The following WWOX variants were observed in gnomAD, a reference collection of about 807,000 sequenced individuals.
WWOX encodes the protein WW domain containing oxidoreductase, also known as WW domain-containing oxidoreductase.
A neutral mutation model predicts 46.2 loss-of-function variants in WWOX; 69 were observed. That is an observed-to-expected ratio of 1.49 (90% CI 1.23 to 1.82). The LOEUF (loss-of-function observed/expected upper bound fraction) is 1.82, where lower values mean the gene tolerates loss of function less well. WWOX is among the 40% of genes most tolerant of loss of function. WWOX has a pLI of 0.00. For missense variants in WWOX, 919 were observed against 542.6 expected (o/e 1.69, Z -6.89); for synonymous variants, 359 against 202.6 (o/e 1.77, Z -6.56).
intron 8 of WWOX, chr16:78,899,244 T>C (rs1052284655): frequency 6.6e-6 from 1 of 152,202 alleles, no homozygotes; most frequent in Admixed American, 6.5e-5. Context: ...TGAATTTATT[T>C]CTAGTTTGCT....
chr16:79,146,885 T>C (rs920352873), intron 8 of WWOX, among the ~76,000 whole-genome samples: 4 of 152,344 alleles, frequency 2.6e-5, no homozygotes, highest in African/African-American at 9.6e-5. Context: ...TACTTCTACA[T>C]GTGTCCCTTC....
At chr16:78,953,516 A>G (rs1408384156) in intron 8 of WWOX, among the ~76,000 whole-genome samples, 1 of 152,154 alleles carries the variant, frequency 6.6e-6, no homozygotes, top group Non-Finnish European at 1.5e-5. Flanking sequence ...ATGTCTTCCT[A>G]ACCCCCAGTT....
At chr16:78,517,518 G>A (rs933545730) in intron 8 of WWOX, among the ~76,000 whole-genome samples, 12 of 152,146 alleles carry the variant, frequency 7.9e-5, no homozygotes, top group Admixed American at 1.3e-4. Flanking sequence ...AATGTCTACT[G>A]AATTATGTGG....
intron 8 of WWOX, among the ~76,000 whole-genome samples, chr16:79,207,352 C>T (rs1017955306): frequency 6.6e-6 from 1 of 152,230 alleles, no homozygotes; most frequent in Non-Finnish European, 1.5e-5. Flanking sequence ...TTAGCCAAAC[C>T]TGCTCACTTC....
chr16:78,586,492 G>A (rs977435292), intron 8 of WWOX, among the ~76,000 whole-genome samples: 6 of 152,106 alleles, frequency 3.9e-5, no homozygotes, highest in South Asian at 2.1e-4. Flanking sequence ...GCCAGTTGCT[G>A]TATTAGATGC....
intron 5 of WWOX, among the ~76,000 whole-genome samples, chr16:78,300,127 A>T (rs2080014238): frequency 6.6e-6 from 1 of 152,228 alleles, no homozygotes; most frequent in South Asian, 2.1e-4. Flanking sequence ...CAACAGAATC[A>T]TGAAGTCTGT....
intron 8 of WWOX, among the ~76,000 whole-genome samples, chr16:78,859,202 A>T (rs1057478400): frequency 6.6e-6 from 1 of 151,566 alleles, no homozygotes; most frequent in Non-Finnish European, 1.5e-5. Flanking sequence ...GAAGGGGCCT[A>T]AAATGAGTTC....
At chr16:78,216,040 C>T (rs2036710709) in intron 5 of WWOX, among the ~76,000 whole-genome samples, 2 of 152,132 alleles carry the variant, frequency 1.3e-5, no homozygotes, top group South Asian at 4.2e-4. Flanking sequence ...ATAAGGGGCA[C>T]AACAGAGACA....
chr16:79,143,034 G>A (rs1006642705), intron 8 of WWOX, among the ~76,000 whole-genome samples: 16 of 151,832 alleles, frequency 1.1e-4, no homozygotes, highest in Admixed American at 8.5e-4. Flanking sequence ...GCATTTTGGA[G>A]ATGACAGAAA....
chr16:78,699,040 A>C (rs79256176), intron 8 of WWOX, among the ~76,000 whole-genome samples: 1 of 152,188 alleles, frequency 6.6e-6, no homozygotes, highest in Non-Finnish European at 1.5e-5. Context: ...TAGTGTTTCT[A>C]GCTTTGCAGT....
At chr16:78,694,401 C>A (rs967345025) in intron 8 of WWOX, among the ~76,000 whole-genome samples, 4 of 152,152 alleles carry the variant, frequency 2.6e-5, no homozygotes, top group African/African-American at 9.7e-5. Flanking sequence ...TCCTCCCTTT[C>A]CTGAAACAAT....
At chr16:78,609,494 C>A (rs746281205) in intron 8 of WWOX, among the ~76,000 whole-genome samples, 1 of 151,416 alleles carries the variant, frequency 6.6e-6, no homozygotes, top group Admixed American at 6.6e-5. Context: ...AAAATGTTTT[C>A]TGGTCAAGTC....
intron 8 of WWOX, among the ~76,000 whole-genome samples, chr16:79,168,056 G>A (rs1178726984): frequency 3.3e-5 from 5 of 152,266 alleles, no homozygotes; most frequent in Middle Eastern, 3.4e-3. Context: ...GCATGTGTCA[G>A]TACTTTATTC....
chr16:78,578,101 C>G (rs1011661400), intron 8 of WWOX, among the ~76,000 whole-genome samples: 1 of 151,486 alleles, frequency 6.6e-6, no homozygotes, highest in Non-Finnish European at 1.5e-5. Context: ...TACTTAGATA[C>G]TGTGTCATCT....
intron 8 of WWOX, among the ~76,000 whole-genome samples, chr16:78,562,714 C>T (rs191492942): frequency 1.6e-3 from 238 of 152,306 alleles, no homozygotes; most frequent in Non-Finnish European, 2.8e-3. Context: ...TCTGATCGCT[C>T]CCCTGAATGG....
intron 8 of WWOX, among the ~76,000 whole-genome samples, chr16:78,693,331 G>T (rs1318590188): frequency 6.6e-6 from 1 of 152,098 alleles, no homozygotes; most frequent in African/African-American, 2.4e-5. Context: ...GCATATCTCA[G>T]AGGAATTTCT....
At chr16:78,178,468 G>A (rs1400623954) in intron 5 of WWOX, among the ~76,000 whole-genome samples, 1 of 152,150 alleles carries the variant, frequency 6.6e-6, no homozygotes, top group Non-Finnish European at 1.5e-5. Context: ...GGAACCTTCT[G>A]GATTCTTCCT....
intron 8 of WWOX, among the ~76,000 whole-genome samples, chr16:78,748,648 G>A (rs1272861075): frequency 6.6e-6 from 1 of 152,172 alleles, no homozygotes; most frequent in Non-Finnish European, 1.5e-5. Flanking sequence ...GCCCAGATAG[G>A]AATCAACAAG....
At chr16:78,724,606 C>T (rs2048780232) in intron 8 of WWOX, among the ~76,000 whole-genome samples, 1 of 152,096 alleles carries the variant, frequency 6.6e-6, no homozygotes, top group African/African-American at 2.4e-5. Context: ...TGTGTAGTCC[C>T]CTAGTGAAAT....
Sources: allele counts gnomAD v4.1 joint callset (sites outside exome capture counted in the v4.1 genomes callset), GRCh38; gene constraint gnomAD v4.1.1; transcripts MANE v1.5; gene names NCBI Gene and HGNC (gene_info 2026-07-23, HGNC 2026-07-21).